PLCL1: variants seen among roughly 807,000 people sequenced by gnomAD.
The protein encoded by PLCL1 is inactive phospholipase C-like protein 1.
Under a neutral mutation model 84.4 loss-of-function variants are expected in PLCL1, and 41 were observed. The observed-to-expected ratio is 0.49, with a 90% confidence interval of 0.38 to 0.63. The LOEUF is 0.63. Among genes scored for constraint, PLCL1 ranks in the 30% least tolerant of loss-of-function variants. PLCL1 has a pLI of 0.00. For synonymous variants in PLCL1, 490 were observed against 488.3 expected (o/e 1.00, Z -0.05); for missense variants, 1,206 against 1,367.8 (o/e 0.88, Z 1.87).
At chr2:198,128,262 C>G (rs1418637388) in intron 5 of PLCL1, among the ~76,000 whole-genome samples, 1 of 152,144 alleles carries the variant, frequency 6.6e-6, no homozygotes, top group East Asian at 1.9e-4. Flanking sequence ...GGTGTAACCA[C>G]CCAGTTGGGT....
At chr2:198,038,207 T>TACAC (rs571099551) in intron 1 of PLCL1, among the ~76,000 whole-genome samples, 1 of 151,520 alleles carries the variant, frequency 6.6e-6, no homozygotes, top group Non-Finnish European at 1.5e-5. Flanking sequence ...GCAAAGTGTG[T>TACAC]ACACACACAC....
At chr2:198,137,688 G>C (rs1201592607) in intron 5 of PLCL1, among the ~76,000 whole-genome samples, 1 of 152,152 alleles carries the variant, frequency 6.6e-6, no homozygotes, top group Non-Finnish European at 1.5e-5. Context: ...GCAAATCATT[G>C]CTTTCTTGTT....
At chr2:197,860,126 A>G (rs1343698176) in intron 1 of PLCL1, among the ~76,000 whole-genome samples, 9 of 151,992 alleles carry the variant, frequency 5.9e-5, no homozygotes, top group African/African-American at 1.5e-4. Flanking sequence ...CATATGTGGT[A>G]TGTGGTTTTC....
Position 197,960,745 on chromosome 2 carries a change from G to A in PLCL1, c.241-123013G>A, listed in dbSNP as rs554205635. 4.6e-5 allele frequency among the ~76,000 whole-genome samples: 7 copies of A among 152,032 alleles called. No homozygotes were observed. In the South Asian group the frequency reaches 1.5e-3, roughly 32 times the overall value. Reference sequence around the variant, plus strand: ...GTTAAAATGTCTATGGCCGTTTTTGGGGGGACAAAACAGATACAAATTGTC... The same window carrying A: ...GTTAAAATGTCTATGGCCGTTTTTGAGGGGACAAAACAGATACAAATTGTC... On this transcript the variant is annotated intron_variant, in intron 1 of 5. Transcript: ENST00000428675.
chr2:198,082,303 A>G (rs995335897), intron 1 of PLCL1, among the ~76,000 whole-genome samples: 1 of 152,052 alleles, frequency 6.6e-6, no homozygotes, highest in Non-Finnish European at 1.5e-5. Flanking sequence ...CAACTCAAGA[A>G]CATGGTGGCA....
rs372350498 is a variant in PLCL1 at position 198,033,155 on chromosome 2, G to A, written c.241-50603G>A. 3.3e-4 allele frequency among the ~76,000 whole-genome samples: 50 copies of A among 152,302 alleles called. 1 individual carries two copies. Among genetic ancestry groups the A allele is most frequent in the African/African-American group, 1.1e-3 (45 of 41,570 alleles). On this transcript the variant is annotated intron_variant, in intron 1 of 5. Transcript: ENST00000428675. ...AATTTTAATGATGAATTTGAACCTG[G>A]AATCTGAACAACAGATAAAATGCAA...
intron 1 of PLCL1, among the ~76,000 whole-genome samples, chr2:197,951,191 T>G (rs1234223609): frequency 6.6e-6 from 1 of 152,192 alleles, no homozygotes; most frequent in Non-Finnish European, 1.5e-5. Context: ...CATGTTTTCA[T>G]GCCATACTTA....
At chr2:198,104,328 A>T (rs1479411254) in intron 5 of PLCL1, among the ~76,000 whole-genome samples, 1 of 151,964 alleles carries the variant, frequency 6.6e-6, no homozygotes, top group Non-Finnish European at 1.5e-5. Context: ...TGCTTAGGAT[A>T]AAGCCCTCCA....
intron 1 of PLCL1, among the ~76,000 whole-genome samples, chr2:198,027,126 A>T (rs1691287507): frequency 6.6e-6 from 1 of 152,198 alleles, no homozygotes; most frequent in Non-Finnish European, 1.5e-5. Context: ...TCAGTGGATG[A>T]ATGGATATAG....
intron 1 of PLCL1, among the ~76,000 whole-genome samples, chr2:198,082,356 A>C (rs1403447452): frequency 1.2e-4 from 18 of 152,214 alleles, no homozygotes; most frequent in African/African-American, 4.1e-4. Flanking sequence ...AGGCAGGAGA[A>C]TCGCTTGAAC....
intron 1 of PLCL1, among the ~76,000 whole-genome samples, chr2:198,027,787 G>A (rs1428417357): frequency 6.6e-6 from 1 of 152,072 alleles, no homozygotes; most frequent in East Asian, 1.9e-4. Flanking sequence ...ATTAGGGAAA[G>A]CTGGGGAAAG....
intron 1 of PLCL1, among the ~76,000 whole-genome samples, chr2:197,949,052 C>T (rs1689336867): frequency 6.6e-6 from 1 of 152,060 alleles, no homozygotes; most frequent in Non-Finnish European, 1.5e-5. Flanking sequence ...CCAGAGCCTG[C>T]CAGGGGGAAT....
At chr2:197,905,755 C>T (rs1295771948) in intron 1 of PLCL1, among the ~76,000 whole-genome samples, 2 of 152,188 alleles carry the variant, frequency 1.3e-5, no homozygotes, top group Non-Finnish European at 2.9e-5. Flanking sequence ...TCCTAATAAT[C>T]GCCATTCTAA....
rs533090349 is a variant in PLCL1, at chr2:197,987,071, G to A, written c.241-96687G>A. ...TTATTTTGTCTGATGTTAACTCTCC[G>A]CCAAGTTTACTGAAAAATAGCTAAA... is the stretch of plus-strand genomic sequence containing the variant. On this transcript the variant is annotated intron_variant, in intron 1 of 5. Transcript: ENST00000428675. Among the ~76,000 whole-genome samples, 44 of 152,128 alleles carry A rather than the reference G, an allele frequency of 2.9e-4. 2 individuals are homozygous for A. In the South Asian group the frequency reaches 7.0e-3, roughly 24 times the overall value.
intron 1 of PLCL1, among the ~76,000 whole-genome samples, chr2:198,040,233 G>T (rs1691627113): frequency 6.6e-6 from 1 of 152,132 alleles, no homozygotes; most frequent in South Asian, 2.1e-4. Flanking sequence ...AACAGGACAA[G>T]ATTTTCATCC....
chr2:198,009,470 C>A (rs1328893448), intron 1 of PLCL1, among the ~76,000 whole-genome samples: 1 of 151,934 alleles, frequency 6.6e-6, no homozygotes, highest in African/African-American at 2.4e-5. Context: ...GGTCTTGGCA[C>A]TCTTGCTGAA....
At position 198,084,174 on chromosome 2, in the gene PLCL1, G is replaced by A; in HGVS notation, c.657G>A (p.Arg219=). 2 of 1,614,116 alleles carry A rather than the reference G, an allele frequency of 1.2e-6. No individual in the cohort carries two copies. Among genetic ancestry groups the A allele is most frequent in the South Asian group, 1.1e-5 (1 of 91,086 alleles). The stretch of plus-strand genomic sequence containing the variant: ...CAAACATCTGGGTGTCTGGGTTACG[G>A]TACCTGGTTTCTCGAAGTAAGCAGC... ...DVANIWVSGL[R]YLVSRSKQPL... is the part of the protein sequence containing the mutation. The change falls in exon 2 of 6, where the codon CGG becomes CGA. Residue 219 remains arginine (R), a synonymous_variant. Transcript: ENST00000428675.
At chr2:197,990,348 A>G (rs757347237) in intron 1 of PLCL1, among the ~76,000 whole-genome samples, 5 of 152,252 alleles carry the variant, frequency 3.3e-5, no homozygotes, top group Admixed American at 1.3e-4. Flanking sequence ...TTTTGTGGAT[A>G]TTACAAACAT....
intron 1 of PLCL1, among the ~76,000 whole-genome samples, chr2:197,947,465 G>A (rs1477577888): frequency 6.6e-6 from 1 of 151,972 alleles, no homozygotes; most frequent in East Asian, 1.9e-4. Flanking sequence ...CACTGGAGCT[G>A]GGCAGAGGGT....
Sources: gnomAD v4.1 joint callset for allele counts (sites outside exome capture counted in the v4.1 genomes callset) on GRCh38, gnomAD v4.1.1 for gene constraint, MANE v1.5 for transcripts, NCBI Gene and HGNC (gene_info 2026-07-23, HGNC 2026-07-21) for gene names.